DPP6: variants seen among roughly 807,000 people sequenced by gnomAD.
DPP6 encodes the protein dipeptidyl peptidase like 6, also known as A-type potassium channel modulatory protein DPP6.
In DPP6, 69 loss-of-function variants were observed where a neutral mutation model predicts 122.6. The ratio of observed to expected loss-of-function variants is 0.56; its 90% confidence interval spans 0.46 to 0.69. The LOEUF (loss-of-function observed/expected upper bound fraction) is 0.69, where lower values mean the gene tolerates loss of function less well. DPP6 is among the 30% of genes least tolerant of loss of function. The probability of loss-of-function intolerance (pLI) is 0.00; values close to 1 mark genes in which losing one functional copy is unlikely to be tolerated. For synonymous variants in DPP6, 418 were observed against 433.1 expected, an observed-to-expected ratio of 0.97 and a Z score of 0.43; for missense variants, 928 against 1,116.9, an observed-to-expected ratio of 0.83 and a Z score of 2.41.
chr7:154,814,241 C>T (rs903895198), intron 16 of DPP6, among the ~76,000 whole-genome samples: 2 of 152,118 alleles, frequency 1.3e-5, no homozygotes, highest in African/African-American at 4.8e-5. Context: ...ATTTCTGATT[C>T]CTTGAAATTT....
chr7:154,474,376 C>A (rs925519517), intron 2 of DPP6, among the ~76,000 whole-genome samples: 1 of 152,172 alleles, frequency 6.6e-6, no homozygotes, highest in African/African-American at 2.4e-5. Flanking sequence ...AACAGAGATG[C>A]GGCAAGGCAG....
At chr7:154,644,270 G>C (rs1415980551) in intron 6 of DPP6, among the ~76,000 whole-genome samples, 2 of 152,204 alleles carry the variant, frequency 1.3e-5, no homozygotes, top group Non-Finnish European at 2.9e-5. Flanking sequence ...GGAATGGTGG[G>C]TCGGGAGCTC....
intron 1 of DPP6, among the ~76,000 whole-genome samples, chr7:154,333,330 T>C (rs1274343129): frequency 6.6e-6 from 1 of 152,170 alleles, no homozygotes; most frequent in Non-Finnish European, 1.5e-5. Flanking sequence ...GGCAAACACA[T>C]TCATTTTCTA....
intron 1 of DPP6, among the ~76,000 whole-genome samples, chr7:154,031,214 A>AT (rs1313996899): frequency 1.3e-5 from 2 of 151,318 alleles, no homozygotes; most frequent in African/African-American, 4.9e-5. Flanking sequence ...TAGATAAACT[A>AT]TTTTTTTAAT....
the DPP6 span, among the ~76,000 whole-genome samples, chr7:153,761,681 T>G: frequency 6.6e-6 from 1 of 152,190 alleles, no homozygotes; most frequent in Non-Finnish European, 1.5e-5. Flanking sequence ...AAACTAAAAA[T>G]GTATAAATAT....
At chr7:154,001,802 A>G (rs906477856) in intron 1 of DPP6, among the ~76,000 whole-genome samples, 9 of 152,062 alleles carry the variant, frequency 5.9e-5, no homozygotes, top group African/African-American at 2.2e-4. Context: ...GTAAGATGCA[A>G]TGAGGGAAGG....
intron 1 of DPP6, among the ~76,000 whole-genome samples, chr7:154,419,549 C>T (rs796368710): frequency 8.5e-5 from 13 of 152,322 alleles, no homozygotes; most frequent in Middle Eastern, 3.4e-3. Context: ...TGCTGTTGTG[C>T]ACTTCACCAG....
intron 5 of DPP6, among the ~76,000 whole-genome samples, chr7:154,626,903 G>A (rs1835103478): frequency 6.7e-6 from 1 of 150,236 alleles, no homozygotes; most frequent in African/African-American, 2.5e-5. Flanking sequence ...TTTACATGGA[G>A]CTATTTCCTA....
rs996735084 is a variant in DPP6, at chr7:154,223,737, A to G, written c.243+170674A>G. ...AGGGCGTGGTGTGCCACATCTTCCT[A>G]GAAGCAACGGGAACCCATGGAGAGG... On this transcript the variant is annotated intron_variant, in intron 1 of 25. Coordinates refer to ENST00000377770, the MANE Select transcript of DPP6 (RefSeq NM_130797.4). Among the ~76,000 whole-genome samples, 7 of 149,382 alleles carry G rather than the reference A, an allele frequency of 4.7e-5. 1 individual carries two copies. Among genetic ancestry groups the G allele is most frequent in the African/African-American group, 1.8e-4 (7 of 39,216 alleles).
At chr7:153,873,617 A>G in the DPP6 span, among the ~76,000 whole-genome samples, 6 of 152,228 alleles carry the variant, frequency 3.9e-5, no homozygotes, top group African/African-American at 1.2e-4. Flanking sequence ...TCGACAGGAA[A>G]GTCTGGAGGG....
intron 6 of DPP6, among the ~76,000 whole-genome samples, chr7:154,665,663 T>A (rs1838102791): frequency 6.6e-6 from 1 of 152,016 alleles, no homozygotes; most frequent in Non-Finnish European, 1.5e-5. Context: ...GCTACTGGGG[T>A]GTCATTGTTT....
chr7:154,016,664 T>C (rs955504483), intron 1 of DPP6, among the ~76,000 whole-genome samples: 1 of 152,206 alleles, frequency 6.6e-6, no homozygotes, highest in African/African-American at 2.4e-5. Context: ...ATTTGCTCTA[T>C]TTTGGATATA....
intron 1 of DPP6, among the ~76,000 whole-genome samples, chr7:154,064,048 C>G (rs532517296): frequency 6.6e-6 from 1 of 152,234 alleles, no homozygotes; most frequent in Non-Finnish European, 1.5e-5. Flanking sequence ...ACCCAGCTAG[C>G]AAGCAGAGTC....
chr7:153,845,500 G>A, the DPP6 span, among the ~76,000 whole-genome samples: 2 of 151,326 alleles, frequency 1.3e-5, no homozygotes, highest in East Asian at 1.9e-4. Context: ...TTTTAGATAT[G>A]CCTCTCTTAA....
intron 1 of DPP6, among the ~76,000 whole-genome samples, chr7:153,912,918 A>G (rs954178941): frequency 9.9e-5 from 15 of 152,174 alleles, no homozygotes; most frequent in Admixed American, 6.5e-5. Context: ...AAATAGCCTT[A>G]AAAAAGATGA....
intron 1 of DPP6, among the ~76,000 whole-genome samples, chr7:154,295,711 G>A (rs1301596027): frequency 6.6e-6 from 1 of 151,988 alleles, no homozygotes; most frequent in Non-Finnish European, 1.5e-5. Context: ...TGTTTGATGG[G>A]TAGCTTTTGG....
chr7:153,930,186 G>C (rs1801108001), intron 1 of DPP6, among the ~76,000 whole-genome samples: 1 of 152,216 alleles, frequency 6.6e-6, no homozygotes, highest in African/African-American at 2.4e-5. Context: ...CGTCAGCCTT[G>C]AATCAAGACA....
chr7:154,108,661 GCA>G (rs1287935161), intron 1 of DPP6, among the ~76,000 whole-genome samples: 1 of 152,178 alleles, frequency 6.6e-6, no homozygotes, highest in African/African-American at 2.4e-5. Flanking sequence ...TCCAGCTAAT[GCA>G]CACCAGGAGG....
intron 2 of DPP6, among the ~76,000 whole-genome samples, chr7:154,469,555 A>T (rs10237882): frequency 0.13 from 19,725 of 152,138 alleles, 4,295 homozygotes; most frequent in African/African-American, 0.45. Flanking sequence ...TAATTCAGGA[A>T]TAGGTCAAAA....
Sources: allele counts gnomAD v4.1 joint callset (sites outside exome capture counted in the v4.1 genomes callset), GRCh38; gene constraint gnomAD v4.1.1; transcripts MANE v1.5; gene names NCBI Gene and HGNC (gene_info 2026-07-23, HGNC 2026-07-21).